Variants in PAH observed in about 807,000 individuals in gnomAD.
PAH encodes the protein phenylalanine-4-hydroxylase.
In PAH, 64 loss-of-function variants were observed where a neutral mutation model predicts 62.0. The observed-to-expected ratio is 1.03, with a 90% CI of 0.84 to 1.27. The LOEUF (loss-of-function observed/expected upper bound fraction) is 1.27. Ranked by LOEUF, PAH falls within the 50% of genes most tolerant of loss-of-function variation. The probability of loss-of-function intolerance (pLI) is 0.00; values close to 1 mark genes in which losing one functional copy is unlikely to be tolerated. For synonymous variants in PAH, 195 were observed against 196.2 expected, an observed-to-expected ratio of 0.99 and a Z score of 0.05; for missense variants, 579 against 542.8, an observed-to-expected ratio of 1.07 and a Z score of -0.66.
Position 102,917,170 on chromosome 12 carries a change from C to G in PAH, c.-40G>C. The G allele has an allele frequency of 6.3e-7, 1 of 1,598,754 alleles. No individual in the cohort carries two copies. The highest frequency in any genetic ancestry group is 8.6e-7 in the Non-Finnish European group (1 of 1,166,100). On this transcript the variant is annotated 5_prime_UTR_variant, in exon 1 of 13. Transcript: ENST00000553106. Reference sequence around the variant, plus strand: ...AGTGAGGTCTCTGGCTTTTTAGGGCCTCAGGTACAGGCAGGTTTGCAAACA... The same window carrying G: ...AGTGAGGTCTCTGGCTTTTTAGGGCGTCAGGTACAGGCAGGTTTGCAAACA...
At position 102,946,851 on chromosome 12, in the gene PAH, C is replaced by T. The variant is rs578067271; in HGVS notation, c.-96+3738G>A. The T allele has an allele frequency of 2.6e-5, 4 of 152,192 alleles. No individual in the cohort carries two copies. In the South Asian group the frequency reaches 6.2e-4, roughly 24 times the overall value. The allele number at this position is 152,192 out of a possible 1,614,324, so 9.4% of individuals were successfully genotyped here. ...GGCTTCTATTCAGCCATCCTGTTCC[C>T]CTGTTCTGAAAGGTTTTGTAGAGGA... On this transcript the variant is annotated intron_variant, in intron 1 of 3. Coordinates refer to the PAH transcript ENST00000546844.
chr12:102,886,961 C>T (rs1877066661), intron 3 of PAH, among the ~76,000 whole-genome samples: 1 of 152,004 alleles, frequency 6.6e-6, no homozygotes, highest in Admixed American at 6.6e-5. Context: ...TGACTCTGTG[C>T]TGTTTGAGAA....
At position 102,957,207 on chromosome 12, in the gene PAH, A is replaced by AT. The variant is rs1008163487; in HGVS notation, c.-96+987dup. Among the ~76,000 whole-genome samples the AT allele has an allele frequency of 2.3e-4, 35 of 152,026 alleles. No homozygotes were observed. The highest frequency in any genetic ancestry group is 6.8e-4 in the African/African-American group (28 of 41,394). On this transcript the variant is annotated intron_variant, in intron 1 of 4. Coordinates refer to the PAH transcript ENST00000551337. The surrounding 1 kb of genome is among the most constrained non-coding windows in gnomAD (Gnocchi z 4.1). ...CTCACCTCCACACCGTTCCTGTGCCATTTTTTCTGCCCAAACCCTTCCCTG... is the reference window on the plus strand; with the variant it reads ...CTCACCTCCACACCGTTCCTGTGCCATTTTTTTCTGCCCAAACCCTTCCCTG...
intron 6 of PAH, 34 bp from the exon 7 acceptor site, chr12:102,852,984 C>T: frequency 6.2e-7 from 1 of 1,612,206 alleles, no homozygotes. Context: ...ACTCAAAGCT[C>T]ATCACCACTG....
At chr12:102,852,576 C>G (rs1405349275) in intron 7 of PAH, among the ~76,000 whole-genome samples, 1 of 152,206 alleles carries the variant, frequency 6.6e-6, no homozygotes, top group Non-Finnish European at 1.5e-5. Context: ...CTCATTCTCA[C>G]TGCCAAGGGA....
intron 4 of PAH, among the ~76,000 whole-genome samples, chr12:102,875,940 CAT>C (rs968480297): frequency 7.4e-5 from 4 of 54,276 alleles, no homozygotes; most frequent in South Asian, 1.0e-3. Context: ...TATATATATA[CAT>C]ATATATATAG....
At chr12:102,954,453 A>G (rs1879855297), upstream of PAH, among the ~76,000 whole-genome samples, 1 of 152,136 alleles carries the variant, frequency 6.6e-6, no homozygotes, top group African/African-American at 2.4e-5. Context: ...CTTTCTCTTT[A>G]GACCTGGGCT....
chr12:102,839,942 C>G (rs1874512168), intron 12 of PAH, among the ~76,000 whole-genome samples: 2 of 152,172 alleles, frequency 1.3e-5, no homozygotes, highest in African/African-American at 4.8e-5. Context: ...GAGAGATAAT[C>G]AGGTGATAAA....
intron 1 of PAH, among the ~76,000 whole-genome samples, chr12:102,938,258 A>T (rs1249249607): frequency 6.6e-6 from 1 of 152,080 alleles, no homozygotes; most frequent in Non-Finnish European, 1.5e-5. Flanking sequence ...CACTATTCCC[A>T]TAGATCTTTG....
chr12:102,913,012 A>G, intron 1 of PAH, 114 bp from the exon 2 acceptor site: 2 of 728,066 alleles, frequency 2.7e-6, no homozygotes, highest in South Asian at 1.4e-5. Context: ...AAATCTTGCA[A>G]TACAATGAGC....
At chr12:102,888,349 T>C (rs572936752) in intron 3 of PAH, among the ~76,000 whole-genome samples, 147 of 152,094 alleles carry the variant, frequency 9.7e-4, no homozygotes, top group African/African-American at 3.5e-3. Context: ...TTTTCTAATA[T>C]TGAAAACAAG....
chr12:102,876,817 T>A (rs995835764), intron 4 of PAH, among the ~76,000 whole-genome samples: 5 of 150,538 alleles, frequency 3.3e-5, no homozygotes, highest in African/African-American at 1.2e-4. Flanking sequence ...CCTGCCCCCA[T>A]GGCTGCAAGA....
chr12:102,904,701 C>T (rs1877900635), intron 2 of PAH: 1 of 492,812 alleles, frequency 2.0e-6, no homozygotes, highest in South Asian at 1.5e-5. Flanking sequence ...TTTATAGGGT[C>T]CAGAAATGTG....
At chr12:102,883,649 C>T (rs569193810) in intron 3 of PAH, among the ~76,000 whole-genome samples, 4 of 152,320 alleles carry the variant, frequency 2.6e-5, no homozygotes, top group South Asian at 2.1e-4. Flanking sequence ...TGCACCTTGT[C>T]GCAGAGGCTG....
At chr12:102,940,696 C>G in intron 1 of PAH, among the ~76,000 whole-genome samples, 1 of 152,192 alleles carries the variant, frequency 6.6e-6, no homozygotes, top group East Asian at 1.9e-4. Flanking sequence ...ACTTATGAGT[C>G]ACTGGCATCC....
intron 2 of PAH, among the ~76,000 whole-genome samples, chr12:102,898,550 C>T (rs1314846392): frequency 1.3e-5 from 2 of 152,086 alleles, no homozygotes; most frequent in African/African-American, 4.8e-5. Context: ...TATCTTTTGC[C>T]TTGATCATTA....
At chr12:102,907,995 T>G (rs1878046694) in intron 2 of PAH, among the ~76,000 whole-genome samples, 1 of 152,034 alleles carries the variant, frequency 6.6e-6, no homozygotes, top group Non-Finnish European at 1.5e-5. Flanking sequence ...CTATACAATT[T>G]ATACAGCAAC....
intron 12 of PAH, among the ~76,000 whole-genome samples, chr12:102,840,092 A>T (rs575702229): frequency 6.6e-6 from 1 of 152,332 alleles, no homozygotes; most frequent in African/African-American, 2.4e-5. Flanking sequence ...CTGGACACTT[A>T]GCGTAGAAGG....
At chr12:102,862,801 T>G (rs1244596269) in intron 5 of PAH, among the ~76,000 whole-genome samples, 1 of 152,172 alleles carries the variant, frequency 6.6e-6, no homozygotes, top group Non-Finnish European at 1.5e-5. Flanking sequence ...TTCAGAATTG[T>G]ACCTCATCCA....
Sources: allele counts gnomAD v4.1 joint callset (sites outside exome capture counted in the v4.1 genomes callset), GRCh38; gene constraint gnomAD v4.1.1; non-coding constraint Gnocchi (gnomAD v3.1); transcripts MANE v1.5; gene names NCBI Gene and HGNC (gene_info 2026-07-23, HGNC 2026-07-21).